Variants in RALYL observed in about 807,000 individuals in gnomAD.
RALYL encodes RALY RNA binding protein like.
In RALYL, 29 loss-of-function variants were observed where a neutral mutation model predicts 35.1. The ratio of observed to expected loss-of-function variants is 0.83; its 90% CI spans 0.61 to 1.13. The LOEUF is 1.13. Ranked by LOEUF, RALYL falls within the 50% of genes most tolerant of loss-of-function variation. RALYL has a pLI of 0.00. For synonymous variants in RALYL, 120 were observed against 127.6 expected (o/e 0.94, Z 0.40); for missense variants, 359 against 360.4 (o/e 1.00, Z 0.03).
intron 1 of RALYL, among the ~76,000 whole-genome samples, chr8:84,251,837 A>T (rs1177865957): frequency 1.3e-5 from 2 of 150,386 alleles, no homozygotes; most frequent in Non-Finnish European, 3.0e-5. Flanking sequence ...TGTGGAATTT[A>T]TTTTCATTTC....
intron 1 of RALYL, among the ~76,000 whole-genome samples, chr8:84,454,239 G>A (rs1031223977): frequency 3.3e-5 from 5 of 152,012 alleles, no homozygotes; most frequent in African/African-American, 4.8e-5. Flanking sequence ...ATATTTTAGA[G>A]ATGTAAGATG....
intron 4 of RALYL, among the ~76,000 whole-genome samples, chr8:84,810,221 C>CTAAATTTTTAAATTAA (rs1825607395): frequency 6.6e-6 from 1 of 151,956 alleles, no homozygotes; most frequent in Admixed American, 6.6e-5. Context: ...TTTAAATTTC[C>CTAAATTTTTAAATTAA]ATCTTAATTT....
At chr8:84,498,789 C>A (rs570295534) in intron 1 of RALYL, among the ~76,000 whole-genome samples, 1 of 151,984 alleles carries the variant, frequency 6.6e-6, no homozygotes, top group East Asian at 1.9e-4. Flanking sequence ...AAAAGAAAAT[C>A]ATAAACACAA....
chr8:84,819,949 T>A (rs1351611329), intron 4 of RALYL, among the ~76,000 whole-genome samples: 1 of 152,106 alleles, frequency 6.6e-6, no homozygotes, highest in Non-Finnish European at 1.5e-5. Context: ...ACTTCAAAAA[T>A]TGGTATCATC....
At chr8:84,488,122 C>A (rs2054850218) in intron 1 of RALYL, among the ~76,000 whole-genome samples, 1 of 151,956 alleles carries the variant, frequency 6.6e-6, no homozygotes, top group Non-Finnish European at 1.5e-5. Context: ...ATTTATAACT[C>A]CACTTTATAG....
chr8:84,307,186 G>A (rs1035425691), intron 1 of RALYL, among the ~76,000 whole-genome samples: 1 of 152,120 alleles, frequency 6.6e-6, no homozygotes, highest in African/African-American at 2.4e-5. Context: ...ACCCCATTCA[G>A]ATATTCCTCT....
intron 1 of RALYL, among the ~76,000 whole-genome samples, chr8:84,286,448 G>T (rs530478935): frequency 6.6e-6 from 1 of 152,266 alleles, no homozygotes; most frequent in Non-Finnish European, 1.5e-5. Flanking sequence ...AACTGAACTT[G>T]GGTCCATTTG....
chr8:84,855,583 T>C (rs1836792210), intron 5 of RALYL, among the ~76,000 whole-genome samples: 1 of 152,238 alleles, frequency 6.6e-6, no homozygotes, highest in Admixed American at 6.5e-5. Context: ...AATGGCATTT[T>C]CTTTTAAAGG....
chr8:84,812,477 G>T (rs912790233), intron 4 of RALYL, among the ~76,000 whole-genome samples: 2 of 152,100 alleles, frequency 1.3e-5, no homozygotes, highest in Non-Finnish European at 2.9e-5. Context: ...AATGGTGGGT[G>T]GGGCCCTAGA....
chr8:84,305,705 T>G (rs538343159), intron 1 of RALYL, among the ~76,000 whole-genome samples: 8 of 152,228 alleles, frequency 5.3e-5, no homozygotes, highest in African/African-American at 1.9e-4. Flanking sequence ...CTACTAATGG[T>G]AAGGAAAACA....
chr8:84,415,568 C>A (rs1411286914), intron 1 of RALYL, among the ~76,000 whole-genome samples: 1 of 152,008 alleles, frequency 6.6e-6, no homozygotes, highest in Admixed American at 6.6e-5. Flanking sequence ...AATCTGGTCA[C>A]CAGTTTCCTT....
chr8:84,660,671 C>A (rs1830733181), intron 2 of RALYL, among the ~76,000 whole-genome samples: 1 of 151,122 alleles, frequency 6.6e-6, no homozygotes, highest in Non-Finnish European at 1.5e-5. Flanking sequence ...TTAAAGATAC[C>A]TTTTGAGGAG....
At chr8:84,679,382 G>C (rs1417760415) in intron 2 of RALYL, 1 of 268,558 alleles carries the variant, frequency 3.7e-6, no homozygotes, top group Non-Finnish European at 7.4e-6. Flanking sequence ...TTCATCCAGA[G>C]AGATTTGTTA....
rs1339432332 is a variant in RALYL, at chr8:84,342,316, C to T, written c.-24+157892C>T. ...TATATAAAACTCAAAAAGTGTGGTC[C>T]TCCCAAATCATTTAATATGAGAACA... On this transcript the variant is annotated intron_variant, in intron 1 of 8. Coordinates refer to ENST00000521268, the MANE Select transcript of RALYL (RefSeq NM_173848.7). Among the ~76,000 whole-genome samples the T allele has an allele frequency of 1.5e-4, 12 of 82,096 alleles. 1 individual carries two copies. The highest frequency in any genetic ancestry group is 9.2e-5 in the Non-Finnish European group (4 of 43,248). The allele number at this position is 82,096 out of a possible 152,430, so 53.9% of individuals were successfully genotyped here. A position where few individuals can be genotyped will look rare whatever the true frequency, so the allele number is the denominator to read the frequency against.
chr8:84,588,323 G>GAAA (rs1271168243), intron 2 of RALYL, among the ~76,000 whole-genome samples: 2 of 152,146 alleles, frequency 1.3e-5, no homozygotes, highest in Admixed American at 1.3e-4. Flanking sequence ...AAAGAAATCT[G>GAAA]TGTTTCTGCA....
intron 3 of RALYL, among the ~76,000 whole-genome samples, chr8:84,775,288 T>G (rs1352943826): frequency 6.6e-6 from 1 of 152,140 alleles, no homozygotes; most frequent in Non-Finnish European, 1.5e-5. Context: ...GCCATGTTCT[T>G]TAGCTATTTT....
chr8:84,354,272 A>C lies in RALYL; in HGVS notation c.-24+169848A>C, dbSNP rs1851436808. 1.3e-5 allele frequency among the ~76,000 whole-genome samples: 2 copies of C among 150,132 alleles called. 1 individual carries two copies. On this transcript the variant is annotated intron_variant, in intron 1 of 8. Coordinates refer to ENST00000521268, the MANE Select transcript of RALYL (RefSeq NM_173848.7). ...ACTAAATGTATTTGGCAAATTTGTA[A>C]CCCAATTCTGGGATGCAACTCTTTT...
intron 2 of RALYL, among the ~76,000 whole-genome samples, chr8:84,735,393 A>G (rs1427457896): frequency 6.6e-6 from 1 of 152,040 alleles, no homozygotes; most frequent in Non-Finnish European, 1.5e-5. Context: ...AATTTTTAAA[A>G]ATTTTTCTCA....
intron 1 of RALYL, among the ~76,000 whole-genome samples, chr8:84,242,988 C>A (rs1828291897): frequency 6.6e-6 from 1 of 152,102 alleles, no homozygotes; most frequent in South Asian, 2.1e-4. Flanking sequence ...ACATTTATGT[C>A]TTTAATCCAT....
Sources: allele counts gnomAD v4.1 joint callset (sites outside exome capture counted in the v4.1 genomes callset), GRCh38; gene constraint gnomAD v4.1.1; transcripts MANE v1.5; gene names NCBI Gene and HGNC (gene_info 2026-07-23, HGNC 2026-07-21).